ATE1: variants seen among roughly 807,000 people sequenced by gnomAD.
ATE1 encodes the protein arginyl-tRNA--protein transferase 1.
ATE1 carries 36 observed loss-of-function variants against 70.5 expected under a neutral mutation model. The ratio of observed to expected loss-of-function variants is 0.51; its 90% CI spans 0.39 to 0.67. The LOEUF is 0.67. ATE1 is among the 30% of genes least tolerant of loss of function. The pLI is 0.00. For missense variants in ATE1, 593 were observed against 629.5 expected, an observed-to-expected ratio of 0.94 and a Z score of 0.62; for synonymous variants, 232 against 219.3, an observed-to-expected ratio of 1.06 and a Z score of -0.51.
chr10:121,806,543 G>A (rs1364240255), intron 10 of ATE1, among the ~76,000 whole-genome samples: 1 of 152,018 alleles, frequency 6.6e-6, no homozygotes, highest in East Asian at 1.9e-4. Flanking sequence ...TACACTATCA[G>A]GACAACTGGA....
At chr10:121,771,438 C>A (rs2135880205) in intron 11 of ATE1, among the ~76,000 whole-genome samples, 1 of 152,240 alleles carries the variant, frequency 6.6e-6, no homozygotes, top group African/African-American at 2.4e-5. Context: ...GATTATAGAA[C>A]CATTCCTAAT....
chr10:121,773,157 A>G (rs1023419448), intron 11 of ATE1, among the ~76,000 whole-genome samples: 5 of 152,158 alleles, frequency 3.3e-5, no homozygotes, highest in Non-Finnish European at 7.4e-5. Context: ...ATTTACTTAT[A>G]ATGGAATCCA....
At chr10:121,904,647 A>C (rs948054571) in intron 5 of ATE1, among the ~76,000 whole-genome samples, 7 of 150,640 alleles carry the variant, frequency 4.6e-5, no homozygotes, top group Admixed American at 1.3e-4. Flanking sequence ...TCTCAAAAAA[A>C]AAAAAAAAAA....
chr10:121,924,184 C>T (rs1486872189), intron 2 of ATE1, 82 bp downstream of exon 2: 1 of 1,336,214 alleles, frequency 7.5e-7, no homozygotes, highest in African/African-American at 1.5e-5. Context: ...CTCTTTCCAA[C>T]AGGAAAGCAT....
At chr10:121,811,641 A>C (rs1275573036) in intron 10 of ATE1, among the ~76,000 whole-genome samples, 1 of 152,150 alleles carries the variant, frequency 6.6e-6, no homozygotes, top group Non-Finnish European at 1.5e-5. Context: ...AACAAGTAAA[A>C]CTGCTTACCA....
At chr10:121,838,381 T>TGGA (rs1948506708) in intron 9 of ATE1, among the ~76,000 whole-genome samples, 1 of 151,564 alleles carries the variant, frequency 6.6e-6, no homozygotes. Context: ...CACCTGCCTC[T>TGGA]GTGCCCCTTG....
chr10:121,849,799 T>C lies in ATE1; in HGVS notation c.976-8536A>G, dbSNP rs929271636. On this transcript the variant is annotated intron_variant, in intron 8 of 11. Transcript: ENST00000224652. Reference sequence around the variant, plus strand: ...GGTGAGCCTGAGATATTGATTCTCTTTGTGTTCCTTGCAGCTGGAGCAGCC... The same window carrying C: ...GGTGAGCCTGAGATATTGATTCTCTCTGTGTTCCTTGCAGCTGGAGCAGCC... Among the ~76,000 whole-genome samples the C allele has an allele frequency of 2.6e-5, 4 of 152,128 alleles. No homozygotes were observed. In the East Asian group the frequency reaches 5.8e-4, roughly 22 times the overall value.
chr10:121,904,423 C>T (rs1379563114), intron 5 of ATE1, among the ~76,000 whole-genome samples: 9 of 151,110 alleles, frequency 6.0e-5, no homozygotes, highest in Admixed American at 6.6e-5. Context: ...AGGCAGATCA[C>T]GAGGTCAGGA....
intron 8 of ATE1, among the ~76,000 whole-genome samples, chr10:121,843,943 A>G (rs542426080): frequency 6.6e-6 from 1 of 152,374 alleles, no homozygotes; most frequent in East Asian, 1.9e-4. Context: ...GTACTTTATT[A>G]AAACTAAAAA....
chr10:121,873,509 C>T (rs1052951747), intron 7 of ATE1, among the ~76,000 whole-genome samples: 2 of 151,942 alleles, frequency 1.3e-5, no homozygotes, highest in Non-Finnish European at 2.9e-5. Flanking sequence ...TTAATGCTTA[C>T]CAAAATTTTC....
At chr10:121,760,000 C>G (rs1385111780) in intron 11 of ATE1, among the ~76,000 whole-genome samples, 1 of 152,160 alleles carries the variant, frequency 6.6e-6, no homozygotes, top group African/African-American at 2.4e-5. Flanking sequence ...AATGGAACAA[C>G]AAAGCCTAGA....
At chr10:121,811,057 T>C (rs1947300509) in intron 10 of ATE1, among the ~76,000 whole-genome samples, 1 of 152,180 alleles carries the variant, frequency 6.6e-6, no homozygotes, top group Non-Finnish European at 1.5e-5. Context: ...ACATTATGGG[T>C]CGAATGACAA....
At chr10:121,921,973 A>C (rs1158506288) in intron 3 of ATE1, among the ~76,000 whole-genome samples, 1 of 152,216 alleles carries the variant, frequency 6.6e-6, no homozygotes. Flanking sequence ...CTTGAACACA[A>C]GCACTGTGTC....
chr10:121,922,268 T>C (rs1482860338), intron 3 of ATE1, 81 bp downstream of exon 3: 17 of 1,014,438 alleles, frequency 1.7e-5, no homozygotes, highest in Non-Finnish European at 2.5e-5. Flanking sequence ...AAATAAACAT[T>C]AAAAAAGCAC....
At chr10:121,792,466 G>T (rs1314731484) in intron 10 of ATE1, among the ~76,000 whole-genome samples, 2 of 152,178 alleles carry the variant, frequency 1.3e-5, no homozygotes, top group Non-Finnish European at 2.9e-5. Flanking sequence ...TCACTGCACT[G>T]TTGCTGGTTC....
At chr10:121,811,625 T>G (rs1773126423) in intron 10 of ATE1, among the ~76,000 whole-genome samples, 1 of 152,102 alleles carries the variant, frequency 6.6e-6, no homozygotes, top group South Asian at 2.1e-4. Context: ...TTCCCCATGC[T>G]CGGAAAACAA....
intron 8 of ATE1, among the ~76,000 whole-genome samples, chr10:121,847,657 C>T (rs1027845694): frequency 6.9e-6 from 1 of 144,308 alleles, no homozygotes; most frequent in Non-Finnish European, 1.5e-5. Flanking sequence ...ACTCAGGAGG[C>T]TGAGGGAGGA....
chr10:121,895,754 T>A (rs1404107885), intron 7 of ATE1, among the ~76,000 whole-genome samples: 1 of 152,130 alleles, frequency 6.6e-6, no homozygotes, highest in Non-Finnish European at 1.5e-5. Flanking sequence ...CAAAATCTCA[T>A]TGCTACTAAA....
chr10:121,790,962 A>ATG (rs10670497), intron 10 of ATE1, among the ~76,000 whole-genome samples: 93,312 of 150,844 alleles, frequency 0.62, 28,931 homozygotes, highest in South Asian at 0.67. Flanking sequence ...GTATATATAT[A>ATG]TGTGTGTGTA....
Sources: allele counts gnomAD v4.1 joint callset (sites outside exome capture counted in the v4.1 genomes callset), GRCh38; gene constraint gnomAD v4.1.1; transcripts MANE v1.5; gene names NCBI Gene and HGNC (gene_info 2026-07-23, HGNC 2026-07-21).